SYNE2: variants seen among roughly 807,000 people sequenced by gnomAD.
The protein encoded by SYNE2 is nesprin-2.
In SYNE2, 431 loss-of-function variants were observed where a neutral mutation model predicts 856.3. The ratio of observed to expected loss-of-function variants is 0.50; its 90% CI spans 0.47 to 0.55. SYNE2 has a LOEUF of 0.55. Among genes scored for constraint, SYNE2 ranks in the 20% least tolerant of loss-of-function variants. SYNE2 has a pLI of 0.00. For synonymous variants in SYNE2, 2,923 were observed against 2,872.3 expected (o/e 1.02, Z -0.56); for missense variants, 8,129 against 8,023.2 (o/e 1.01, Z -0.50).
At chr14:63,793,522 A>G (rs1164419062) in intron 1 of SYNE2, among the ~76,000 whole-genome samples, 1 of 147,188 alleles carries the variant, frequency 6.8e-6, no homozygotes, top group East Asian at 2.0e-4. Flanking sequence ...AAAGTTGTCA[A>G]GCAACATGCT....
chr14:63,936,458 T>G (rs1221356901), intron 2 of SYNE2, among the ~76,000 whole-genome samples: 2 of 151,992 alleles, frequency 1.3e-5, no homozygotes, highest in African/African-American at 2.4e-5. Flanking sequence ...GTAGACCTCT[T>G]AGATGAGGTG....
At chr14:64,139,835 A>T in intron 79 of SYNE2, 106 bp from the exon 80 acceptor site, 1 of 1,115,018 alleles carries the variant, frequency 9.0e-7, no homozygotes, top group South Asian at 1.2e-5. Context: ...GTTAGGACTG[A>T]TCAACATAGG....
intron 1 of SYNE2, among the ~76,000 whole-genome samples, chr14:63,773,671 C>T (rs1887005155): frequency 6.6e-6 from 1 of 152,188 alleles, no homozygotes; most frequent in Non-Finnish European, 1.5e-5. Context: ...AAACAATCTT[C>T]CTGTCTCAGC....
At chr14:63,916,696 C>T (rs2095537244) in intron 2 of SYNE2, among the ~76,000 whole-genome samples, 1 of 152,066 alleles carries the variant, frequency 6.6e-6, no homozygotes, top group South Asian at 2.1e-4. Flanking sequence ...CTCAATAGTG[C>T]TTTCGTATTC....
intron 2 of SYNE2, among the ~76,000 whole-genome samples, chr14:63,920,207 A>T (rs2095583270): frequency 6.6e-6 from 1 of 151,996 alleles, no homozygotes; most frequent in Admixed American, 6.6e-5. Context: ...ACAAGCGCGT[A>T]AACTATCACA....
intron 23 of SYNE2, among the ~76,000 whole-genome samples, chr14:63,995,677 T>C (rs894510366): frequency 2.6e-5 from 4 of 152,186 alleles, no homozygotes; most frequent in African/African-American, 9.6e-5. Context: ...GTTTCTACTG[T>C]TGTGGCTCTC....
At chr14:63,851,674 T>G (rs1056641615), upstream of SYNE2, among the ~76,000 whole-genome samples, 1 of 152,320 alleles carries the variant, frequency 6.6e-6, no homozygotes, top group Admixed American at 6.5e-5. Flanking sequence ...TAATATATGT[T>G]TGCTGAATGC....
intron 51 of SYNE2, among the ~76,000 whole-genome samples, chr14:64,068,344 T>A (rs891009607): frequency 4.6e-5 from 7 of 152,180 alleles, no homozygotes; most frequent in African/African-American, 1.7e-4. Flanking sequence ...CTCATAGTAT[T>A]TCCATTTCCA....
chr14:64,217,019 T>C (rs1019295157), intron 108 of SYNE2, among the ~76,000 whole-genome samples: 15 of 152,208 alleles, frequency 9.9e-5, no homozygotes, highest in Admixed American at 6.5e-5. Flanking sequence ...GTCCACTGCA[T>C]CCAACCTTCA....
rs771396134 is a variant in SYNE2, at chr14:64,091,020, T to C, written c.11948T>C (p.Val3983Ala). Residue 3983 changes from valine (V) to alanine (A), a missense_variant, in exon 60 of 116, where the codon GTG becomes GCG. Physicochemically the swap from Val to Ala is moderately conservative, Grantham distance 64. Around this residue, in one of 3 missense-constraint regions of SYNE2, gnomAD observed 5,410 missense variants for 5,284.8 expected, o/e 1.02. Coordinates refer to ENST00000555002, the MANE Select transcript of SYNE2 (RefSeq NM_182914.3). ...CAAGATATAAAACTATTGGAAAATG[T>C]GACTCAAGAACAAAATGAGTTATTA... ...LLQDIKLLENVTQEQNELLKV... is the reference protein window; with the variant it reads ...LLQDIKLLENATQEQNELLKV... The C allele has an allele frequency of 1.2e-6, 2 of 1,614,092 alleles. No homozygotes were observed. The highest frequency in any genetic ancestry group is 1.7e-6 in the Non-Finnish European group (2 of 1,179,952).
At chr14:63,959,484 G>A (rs1355271683) in intron 8 of SYNE2, among the ~76,000 whole-genome samples, 9 of 151,672 alleles carry the variant, frequency 5.9e-5, no homozygotes, top group South Asian at 4.2e-4. Flanking sequence ...TTTTAGTAGA[G>A]AGGGGGTTTC....
At chr14:63,879,812 C>T (rs2094817176) in intron 1 of SYNE2, among the ~76,000 whole-genome samples, 1 of 152,198 alleles carries the variant, frequency 6.6e-6, no homozygotes, top group African/African-American at 2.4e-5. Context: ...TCTGAAAAAG[C>T]ACACAAGAGC....
At position 64,021,917 on chromosome 14, in the gene SYNE2, G is replaced by A; in HGVS notation, c.5413G>A (p.Gly1805Ser). 1 of 1,613,984 alleles carries A rather than the reference G, an allele frequency of 6.2e-7. No homozygotes were observed. Among genetic ancestry groups the A allele is most frequent in the South Asian group, 1.1e-5 (1 of 91,078 alleles). The change falls in exon 37 of 116, where the codon GGT (glycine) becomes AGT (serine). Residue 1805 changes from glycine (G) to serine (S), a missense_variant. Gly to Ser is a moderately conservative substitution (Grantham distance 56). Around this residue, in one of 3 missense-constraint regions of SYNE2, gnomAD observed 2,422 missense variants for 2,357.4 expected, o/e 1.03. Coordinates refer to ENST00000555002, the MANE Select transcript of SYNE2 (RefSeq NM_182914.3). ...TATGATATTACTTGAGAATCAAATAGGTTGTCTGACTCCTGAACTCTCTGA... is the reference window on the plus strand; with the variant it reads ...TATGATATTACTTGAGAATCAAATAAGTTGTCTGACTCCTGAACTCTCTGA... ...HSMILLENQI[G>S]CLTPELSELK...
At position 63,941,927 on chromosome 14, in the gene SYNE2, A is replaced by G. The variant is rs146748294; in HGVS notation, c.280A>G (p.Ile94Val). ...TAATACCTTCCAGTGTAGAATCAATATAGAACATGCCTTGACATTCCTAAG... is the reference window on the plus strand; with the variant it reads ...TAATACCTTCCAGTGTAGAATCAATGTAGAACATGCCTTGACATTCCTAAG... ...GSNTFQCRIN[I>V]EHALTFLRNR... Residue 94 changes from isoleucine to valine, a missense_variant, in exon 5 of 116, where the codon ATA becomes GTA. Transcript: ENST00000555002. The G allele has an allele frequency of 7.3e-4, 1,179 of 1,613,218 alleles. 4 individuals carry two copies. The highest frequency in any genetic ancestry group is 3.0e-3 in the Middle Eastern group (18 of 6,062).
intron 52 of SYNE2, among the ~76,000 whole-genome samples, chr14:64,071,708 A>G (rs1460541652): frequency 1.3e-5 from 2 of 151,960 alleles, no homozygotes; most frequent in Non-Finnish European, 2.9e-5. Context: ...ATGCCATTAA[A>G]TGTTCTTTTA....
intron 44 of SYNE2, among the ~76,000 whole-genome samples, chr14:64,030,696 C>T (rs1375997453): frequency 6.6e-6 from 1 of 152,112 alleles, no homozygotes; most frequent in Non-Finnish European, 1.5e-5. Context: ...TAATAGGCAC[C>T]TATTATTCAG....
At position 64,165,347 on chromosome 14, in the gene SYNE2, G is replaced by T; in HGVS notation, c.16542G>T (p.Met5514Ile). 1 of 1,613,464 alleles carries T rather than the reference G, an allele frequency of 6.2e-7. No individual in the cohort carries two copies. Among genetic ancestry groups the T allele is most frequent in the Non-Finnish European group, 8.5e-7 (1 of 1,179,492 alleles). ...VRLESLKGLIMHEEENLDRLH... is the reference protein window; with the variant it reads ...VRLESLKGLIIHEEENLDRLH... ...TGGAATCTTTAAAAGGTCTTATTAT[G>T]CATGAAGAAGAGAATTTGGATAGAC... The change falls in exon 90 of 116, where the codon ATG (methionine) becomes ATT (isoleucine). Residue 5514 changes from methionine (M) to isoleucine (I), a missense_variant. Around this residue, in one of 3 missense-constraint regions of SYNE2, gnomAD observed 5,410 missense variants for 5,284.8 expected, o/e 1.02. Transcript: ENST00000555002.
chr14:63,799,678 G>A (rs898643441), intron 1 of SYNE2, among the ~76,000 whole-genome samples: 1 of 152,150 alleles, frequency 6.6e-6, no homozygotes, highest in African/African-American at 2.4e-5. Context: ...GGGCGACAGA[G>A]AGAGACTCTG....
chr14:64,213,005 G>A lies in SYNE2; in HGVS notation c.19056G>A (p.Pro6352=), dbSNP rs747595148. The change falls in exon 105 of 116, where the codon CCG becomes CCA. Residue 6352 remains proline (P), a splice_region_variant and synonymous_variant. Transcript: ENST00000555002. ...ACCGGCGGCTCACCTCCTGCACTCC[G>A]GTACGGGCACTGCTGCCTAGAAATG... is the stretch of plus-strand genomic sequence containing the variant. The part of the protein sequence containing the change: ...RFHRRLTSCT[P]GLEDEKEASE... The A allele has an allele frequency of 3.7e-6, 6 of 1,613,002 alleles. No individual in the cohort carries two copies. The Admixed American group carries it at 5.0e-5, about 13-fold the overall frequency.
Sources: allele counts gnomAD v4.1 joint callset (sites outside exome capture counted in the v4.1 genomes callset), GRCh38; gene constraint gnomAD v4.1.1; regional missense constraint gnomAD v4.1.1; transcripts MANE v1.5; gene names NCBI Gene and HGNC (gene_info 2026-07-23, HGNC 2026-07-21).